Variants in RTN4 observed in about 807,000 individuals in gnomAD.
The protein encoded by RTN4 is reticulon 4, also known as reticulon-4.
A neutral mutation model predicts 90.4 loss-of-function variants in RTN4; 32 were observed. That is an observed-to-expected ratio of 0.35 (90% confidence interval 0.27 to 0.48). The LOEUF is 0.48. RTN4 is among the 20% of genes least tolerant of loss of function. The probability of loss-of-function intolerance (pLI) is 0.99; values close to 1 mark genes in which losing one functional copy is unlikely to be tolerated. For synonymous variants in RTN4, 629 were observed against 552.5 expected, an observed-to-expected ratio of 1.14 and a Z score of -1.94; for missense variants, 1,706 against 1,430.2, an observed-to-expected ratio of 1.19 and a Z score of -3.11.
intron 5 of RTN4, among the ~76,000 whole-genome samples, chr2:54,978,998 A>C (rs2104624405): frequency 6.6e-6 from 1 of 152,276 alleles, no homozygotes; most frequent in African/African-American, 2.4e-5. Context: ...TGTGGCTAAA[A>C]GGCAAAAAGT....
At chr2:55,018,918 G>A (rs1681229919) in intron 3 of RTN4, among the ~76,000 whole-genome samples, 1 of 151,998 alleles carries the variant, frequency 6.6e-6, no homozygotes, top group Non-Finnish European at 1.5e-5. Flanking sequence ...TACATTAAAA[G>A]GAATCAGGCA....
chr2:55,008,526 C>T (rs764534191), intron 3 of RTN4, among the ~76,000 whole-genome samples: 3 of 151,880 alleles, frequency 2.0e-5, no homozygotes, highest in Non-Finnish European at 4.4e-5. Flanking sequence ...ACCAAAACAG[C>T]CAGACAGGTA....
chr2:55,017,369 T>C (rs980975235), intron 3 of RTN4, among the ~76,000 whole-genome samples: 4 of 152,216 alleles, frequency 2.6e-5, no homozygotes, highest in Admixed American at 2.6e-4. Context: ...ATATATAAGT[T>C]TGCAAAGCTA....
chr2:55,099,546 T>C (rs1019996191), intron 1 of RTN4, among the ~76,000 whole-genome samples: 2 of 152,074 alleles, frequency 1.3e-5, no homozygotes, highest in African/African-American at 2.4e-5. Flanking sequence ...CTCTTTGACA[T>C]GGGAAATGGT....
At position 55,049,920 on chromosome 2, in the gene RTN4, T is replaced by C; in HGVS notation, c.381A>G (p.Ala127=). Reference sequence around the variant, plus strand: ...CCTCAGGGAGCTTGGAGGGCGAGACTGCGGCAGCAGACAGCGGGGATGGCG... The same window carrying C: ...CCTCAGGGAGCTTGGAGGGCGAGACCGCGGCAGCAGACAGCGGGGATGGCG... The part of the protein sequence containing the change: ...VPAPSPLSAA[A]VSPSKLPEDD... Residue 127 remains alanine, a synonymous_variant, in exon 1 of 9, where the codon GCA becomes GCG. Coordinates refer to ENST00000337526, the MANE Select transcript of RTN4 (RefSeq NM_020532.5). 7.5e-7 allele frequency: 1 copy of C among 1,334,948 alleles called. No individual in the cohort carries two copies. The highest frequency in any genetic ancestry group is 9.5e-7 in the Non-Finnish European group (1 of 1,048,596). 82.7% of individuals were successfully genotyped at this position (1,334,948 alleles called of 1,614,324 possible).
intron 1 of RTN4, among the ~76,000 whole-genome samples, chr2:55,037,909 A>AATAATCAAGTATTGGC (rs1682800591): frequency 1.3e-5 from 2 of 152,228 alleles, no homozygotes; most frequent in Admixed American, 1.3e-4. Context: ...ATAAAACTAC[A>AATAATCAAGTATTGGC]ATAATCAAGT....
At chr2:55,067,780 A>G (rs13401780) in intron 2 of RTN4, among the ~76,000 whole-genome samples, 23,282 of 151,894 alleles carry the variant, frequency 0.15, 3,044 homozygotes, top group African/African-American at 0.36. Context: ...ATCCCTTTAC[A>G]CTCTTCCGTG....
upstream of RTN4, among the ~76,000 whole-genome samples, chr2:55,052,734 T>C (rs1668119099): frequency 6.6e-6 from 1 of 152,236 alleles, no homozygotes; most frequent in African/African-American, 2.4e-5. Flanking sequence ...TTTCAACCAA[T>C]TGCATAAACA....
intron 2 of RTN4, among the ~76,000 whole-genome samples, chr2:55,071,094 T>A (rs1268692979): frequency 6.6e-6 from 1 of 151,792 alleles, no homozygotes; most frequent in Non-Finnish European, 1.5e-5. Flanking sequence ...CTTCTTTTTT[T>A]TTTTTTAATG....
intron 3 of RTN4, among the ~76,000 whole-genome samples, chr2:54,995,357 C>T (rs1345882347): frequency 6.6e-6 from 1 of 151,852 alleles, no homozygotes; most frequent in Non-Finnish European, 1.5e-5. Flanking sequence ...TTTGGTGAAT[C>T]AGTGATGGTG....
At chr2:55,013,073 C>A (rs1573379662) in intron 3 of RTN4, among the ~76,000 whole-genome samples, 1 of 152,134 alleles carries the variant, frequency 6.6e-6, no homozygotes, top group African/African-American at 2.4e-5. Context: ...GAGACAGGAA[C>A]CTCTTTTCCC....
intron 1 of RTN4, among the ~76,000 whole-genome samples, chr2:55,041,139 T>C (rs1343694615): frequency 6.6e-6 from 1 of 151,468 alleles, no homozygotes; most frequent in Admixed American, 6.6e-5. Flanking sequence ...TCTCAGTCAA[T>C]TATCAATTGA....
intron 2 of RTN4, among the ~76,000 whole-genome samples, chr2:55,056,776 T>C (rs928650649): frequency 2.0e-5 from 3 of 152,192 alleles, no homozygotes; most frequent in African/African-American, 2.4e-5. Context: ...CCCAATATAG[T>C]GATTATGTGT....
At chr2:55,070,545 C>CAAAAAAAAAAAAA (rs747838297) in intron 2 of RTN4, among the ~76,000 whole-genome samples, 3 of 67,286 alleles carry the variant, frequency 4.5e-5, no homozygotes, top group Non-Finnish European at 5.7e-5. Flanking sequence ...GACTCTGTCT[C>CAAAAAAAAAAAAA]AAAAAAAAAA....
intron 1 of RTN4, among the ~76,000 whole-genome samples, chr2:55,106,450 T>C (rs1472386086): frequency 6.6e-6 from 1 of 152,118 alleles, no homozygotes; most frequent in Admixed American, 6.5e-5. Context: ...CTCACACAGT[T>C]GTGAGAGGAA....
At chr2:55,017,430 T>A (rs1365724186) in intron 3 of RTN4, among the ~76,000 whole-genome samples, 1 of 152,214 alleles carries the variant, frequency 6.6e-6, no homozygotes, top group Non-Finnish European at 1.5e-5. Context: ...TGAGTGATCA[T>A]GGTAATACTA....
chr2:54,977,252 C>T (rs1310069481), intron 5 of RTN4, among the ~76,000 whole-genome samples: 1 of 152,196 alleles, frequency 6.6e-6, no homozygotes, highest in Admixed American at 6.5e-5. Context: ...AGTTTGGACT[C>T]TCTCTATATC....
chr2:55,022,398 G>C (rs1681507867), intron 3 of RTN4, among the ~76,000 whole-genome samples: 1 of 152,054 alleles, frequency 6.6e-6, no homozygotes. Context: ...GAACATTCCT[G>C]CCTTTACCTC....
intron 1 of RTN4, among the ~76,000 whole-genome samples, chr2:55,081,188 C>T (rs76663216): frequency 0.029 from 4,483 of 152,240 alleles, 211 homozygotes; most frequent in African/African-American, 0.099. Flanking sequence ...ATCCTCCTGC[C>T]TCAGCCTCTG....
Sources: allele counts gnomAD v4.1 joint callset (sites outside exome capture counted in the v4.1 genomes callset), GRCh38; gene constraint gnomAD v4.1.1; transcripts MANE v1.5; gene names NCBI Gene and HGNC (gene_info 2026-07-23, HGNC 2026-07-21).